Variants in SPAG16 observed in about 807,000 individuals in gnomAD.
The protein encoded by SPAG16 is sperm associated antigen 16, also known as sperm-associated antigen 16 protein.
A neutral mutation model predicts 80.4 loss-of-function variants in SPAG16; 86 were observed. The observed-to-expected ratio is 1.07, with a 90% CI of 0.90 to 1.28. SPAG16 has a LOEUF of 1.28. SPAG16 is among the 50% of genes most tolerant of loss of function. The pLI is 0.00. For synonymous variants in SPAG16, 294 were observed against 265.9 expected, an observed-to-expected ratio of 1.11 and a Z score of -1.03; for missense variants, 870 against 765.3, an observed-to-expected ratio of 1.14 and a Z score of -1.61.
At chr2:214,012,274 ATATATATATATATAT>A (rs2124948516) in intron 12 of SPAG16, among the ~76,000 whole-genome samples, 1 of 43,906 alleles carries the variant, frequency 2.3e-5, no homozygotes, top group African/African-American at 8.9e-5. Flanking sequence ...ATATATATAT[ATATATATATATATAT>A]TTTTTTTTTT....
chr2:213,861,883 A>C (rs558704870), intron 10 of SPAG16, among the ~76,000 whole-genome samples: 115 of 152,280 alleles, frequency 7.6e-4, no homozygotes, highest in African/African-American at 2.6e-3. Flanking sequence ...TCTTGAATTC[A>C]TTACTGTAAT....
At chr2:214,174,309 A>G (rs974970551) in intron 15 of SPAG16, among the ~76,000 whole-genome samples, 8 of 152,024 alleles carry the variant, frequency 5.3e-5, no homozygotes, top group Non-Finnish European at 1.0e-4. Flanking sequence ...TGCAGATGAC[A>G]TGATTGTATA....
intron 13 of SPAG16, among the ~76,000 whole-genome samples, chr2:214,107,832 T>C (rs1576226570): frequency 1.3e-5 from 2 of 152,182 alleles, no homozygotes; most frequent in East Asian, 1.9e-4. Context: ...GCAGTAGATA[T>C]GCTGTGCTGA....
intron 10 of SPAG16, among the ~76,000 whole-genome samples, chr2:213,850,911 A>G (rs963029902): frequency 6.6e-6 from 1 of 152,092 alleles, no homozygotes; most frequent in Non-Finnish European, 1.5e-5. Context: ...CTCATAACAT[A>G]CCAGTCTACT....
At chr2:213,988,288 A>G (rs748171095) in intron 12 of SPAG16, among the ~76,000 whole-genome samples, 7 of 152,092 alleles carry the variant, frequency 4.6e-5, no homozygotes, top group Non-Finnish European at 1.0e-4. Flanking sequence ...ACCCAACAAC[A>G]GTAGAATATA....
intron 13 of SPAG16, among the ~76,000 whole-genome samples, chr2:214,075,860 A>G (rs2051049339): frequency 6.6e-6 from 1 of 152,166 alleles, no homozygotes; most frequent in Non-Finnish European, 1.5e-5. Flanking sequence ...TAAATTCAAG[A>G]ACTGTGCTGG....
In SPAG16 at chr2:213,284,610, T is replaced by C; in HGVS notation, c.127T>C (p.Tyr43His). The C allele has an allele frequency of 1.9e-6, 3 of 1,609,512 alleles. No individual in the cohort carries two copies. The highest frequency in any genetic ancestry group is 2.5e-6 in the Non-Finnish European group (3 of 1,178,766). Residue 43 changes from tyrosine (Y) to histidine (H), a missense_variant, in exon 1 of 16, where the codon TAC becomes CAC. By Grantham distance (83) the Tyr-to-His change is moderately conservative (BLOSUM62 2). Coordinates refer to ENST00000331683, the MANE Select transcript of SPAG16 (RefSeq NM_024532.5). Reference protein sequence around the residue: ...ADAVAAEGAYYLEQVTITEAS... With the variant: ...ADAVAAEGAYHLEQVTITEAS... ...CGCGGTGGCGGCTGAGGGCGCCTAC[T>C]ACCTGGAACGTATCCTTCCCGTGGA...
intron 10 of SPAG16, among the ~76,000 whole-genome samples, chr2:213,678,254 G>T (rs2064196339): frequency 6.6e-6 from 1 of 151,996 alleles, no homozygotes; most frequent in Admixed American, 6.6e-5. Context: ...CAGACGGCAA[G>T]AAATAACTAA....
chr2:213,796,574 A>G (rs1287979565), intron 10 of SPAG16, among the ~76,000 whole-genome samples: 1 of 152,204 alleles, frequency 6.6e-6, no homozygotes. Context: ...TGATGATCCC[A>G]TAATATTATA....
At chr2:214,203,392 A>G (rs1329179764) in intron 15 of SPAG16, among the ~76,000 whole-genome samples, 1 of 152,196 alleles carries the variant, frequency 6.6e-6, no homozygotes, top group Non-Finnish European at 1.5e-5. Flanking sequence ...TTTTGGCTCC[A>G]AGAACTACCA....
chr2:214,143,920 G>C (rs1184007608), intron 14 of SPAG16, among the ~76,000 whole-genome samples: 2 of 152,064 alleles, frequency 1.3e-5, no homozygotes, highest in African/African-American at 4.8e-5. Flanking sequence ...CACTTCGGCA[G>C]GTCAAGGTGG....
intron 11 of SPAG16, among the ~76,000 whole-genome samples, chr2:213,928,936 C>G (rs1043174879): frequency 2.2e-5 from 3 of 135,990 alleles, no homozygotes; most frequent in Non-Finnish European, 5.0e-5. Context: ...CACACACACA[C>G]ACACACAAAA....
intron 15 of SPAG16, among the ~76,000 whole-genome samples, chr2:214,365,116 T>A (rs1250977598): frequency 6.6e-6 from 1 of 152,048 alleles, no homozygotes; most frequent in Non-Finnish European, 1.5e-5. Context: ...ATAACTGAGA[T>A]TTCAAGCCTG....
chr2:213,622,365 A>G (rs896373388), intron 10 of SPAG16, among the ~76,000 whole-genome samples: 4 of 152,168 alleles, frequency 2.6e-5, no homozygotes, highest in African/African-American at 9.7e-5. Flanking sequence ...CTCATTCATC[A>G]TGATTACTTT....
intron 1 of SPAG16, among the ~76,000 whole-genome samples, chr2:213,293,358 A>ATTCATGC (rs2062372584): frequency 6.6e-6 from 1 of 152,174 alleles, no homozygotes; most frequent in African/African-American, 2.4e-5. Flanking sequence ...ACCTCCTAAT[A>ATTCATGC]TTCATGCTCT....
At chr2:214,283,142 G>A (rs889436169) in intron 15 of SPAG16, among the ~76,000 whole-genome samples, 3 of 150,634 alleles carry the variant, frequency 2.0e-5, no homozygotes, top group African/African-American at 2.5e-5. Flanking sequence ...TAATTGCAGG[G>A]CCCACCAGTC....
At chr2:213,987,670 G>A (rs1360953017) in intron 12 of SPAG16, among the ~76,000 whole-genome samples, 1 of 151,596 alleles carries the variant, frequency 6.6e-6, no homozygotes, top group African/African-American at 2.4e-5. Flanking sequence ...GTATATATTT[G>A]GCACTGTGAT....
chr2:213,548,689 T>C (rs1231593546), intron 10 of SPAG16, among the ~76,000 whole-genome samples: 1 of 152,178 alleles, frequency 6.6e-6, no homozygotes, highest in Admixed American at 6.5e-5. Flanking sequence ...TCTCCATTTT[T>C]CTTTTGATGT....
Position 213,456,436 on chromosome 2 carries a change from G to C in SPAG16, c.943-33527G>C, listed in dbSNP as rs74938564. Among the ~76,000 whole-genome samples, 86 of 152,298 alleles carry C rather than the reference G, an allele frequency of 5.6e-4. 3 individuals are homozygous for C. The East Asian group carries it at 0.013, about 24-fold the overall frequency. On this transcript the variant is annotated intron_variant, in intron 9 of 15. Transcript: ENST00000331683. ...TGGCTAACAAGTGAATATAGCAGAA[G>C]GAAGAAGCATATGTATGTCTGACAT...
Sources: allele counts gnomAD v4.1 joint callset (sites outside exome capture counted in the v4.1 genomes callset), GRCh38; gene constraint gnomAD v4.1.1; transcripts MANE v1.5; gene names NCBI Gene and HGNC (gene_info 2026-07-23, HGNC 2026-07-21).